RNF19A: variants seen among roughly 807,000 people sequenced by gnomAD.
RNF19A encodes ring finger protein 19A, RBR E3 ubiquitin protein ligase.
Under a neutral mutation model 75.7 loss-of-function variants are expected in RNF19A, and 32 were observed. The observed-to-expected ratio is 0.42, with a 90% CI of 0.32 to 0.57. The LOEUF (loss-of-function observed/expected upper bound fraction) is 0.57, where lower values mean the gene tolerates loss of function less well. Ranked by LOEUF, RNF19A falls within the 20% of genes least tolerant of loss-of-function variation. The probability of loss-of-function intolerance (pLI) is 0.10; values close to 1 mark genes in which losing one functional copy is unlikely to be tolerated. For synonymous variants in RNF19A, 335 were observed against 345.2 expected, an observed-to-expected ratio of 0.97 and a Z score of 0.33; for missense variants, 782 against 1,036.3, an observed-to-expected ratio of 0.75 and a Z score of 3.37.
At position 100,328,253 on chromosome 8, in the gene RNF19A, G is replaced by C. The variant is rs374851551; in HGVS notation, c.-243+7855C>G. Among the ~76,000 whole-genome samples, 21 of 152,226 alleles carry C rather than the reference G, an allele frequency of 1.4e-4. 2 individuals carry two copies. Among genetic ancestry groups the C allele is most frequent in the African/African-American group, 4.6e-4 (19 of 41,498 alleles). Reference sequence around the variant, plus strand: ...ATTGGCACTTTCCCAGACCCTCAAGGTACTTAGGACCTCGTGGCAGTGTTG... The same window carrying C: ...ATTGGCACTTTCCCAGACCCTCAAGCTACTTAGGACCTCGTGGCAGTGTTG... On this transcript the variant is annotated intron_variant, in intron 1 of 3. Transcript: ENST00000519527.
rs1563827069 is a variant in RNF19A, at chr8:100,257,785, CT to C, written c.*770del. 3 of 373,932 alleles carry C rather than the reference CT, an allele frequency of 8.0e-6. No homozygotes were observed. Among genetic ancestry groups the C allele is most frequent in the Admixed American group, 9.1e-5 (2 of 21,902 alleles). The allele number at this position is 373,932 out of a possible 1,614,324, so 23.2% of individuals were successfully genotyped here. On this transcript the variant is annotated 3_prime_UTR_variant, in exon 10 of 10. Coordinates refer to ENST00000341084, the MANE Select transcript of RNF19A (RefSeq NM_183419.4). ...AGAATCAATGGGGTACAAACTTCCC[CT>C]TAGAGAAAGGTGGATTTTTTGTAAT...
chr8:100,304,096 G>C (rs905178033), intron 1 of RNF19A, among the ~76,000 whole-genome samples: 2 of 152,014 alleles, frequency 1.3e-5, no homozygotes, highest in African/African-American at 4.8e-5. Flanking sequence ...AGCTGGAACT[G>C]CAGGTGCCCA....
intron 1 of RNF19A, among the ~76,000 whole-genome samples, chr8:100,297,288 C>T (rs1821610729): frequency 6.6e-6 from 1 of 152,160 alleles, no homozygotes; most frequent in South Asian, 2.1e-4. Context: ...GACGCGTGAG[C>T]ACATAATACG....
At chr8:100,266,486 A>G (rs904398606) in intron 5 of RNF19A, among the ~76,000 whole-genome samples, 9 of 152,160 alleles carry the variant, frequency 5.9e-5, no homozygotes, top group African/African-American at 2.2e-4. Flanking sequence ...AATTACGATC[A>G]GCTAATATAT....
In RNF19A at chr8:100,261,835, G is replaced by C. The variant is rs887976709; in HGVS notation, c.1469-80C>G. 22 of 1,388,652 alleles carry C rather than the reference G, an allele frequency of 1.6e-5. No individual in the cohort carries two copies. Among genetic ancestry groups the C allele is most frequent in the Non-Finnish European group, 2.1e-5 (21 of 977,436 alleles). The allele number at this position is 1,388,652 out of a possible 1,614,324, so 86.0% of individuals were successfully genotyped here. Reference sequence around the variant, plus strand: ...TCTTAAATTCCTCCATGATTTCAGAGAGGACATTATATAAGGTATAAAATA... The same window carrying C: ...TCTTAAATTCCTCCATGATTTCAGACAGGACATTATATAAGGTATAAAATA... On this transcript the variant is annotated intron_variant, in intron 7 of 9. Transcript: ENST00000341084. This position sits in a 1 kb window ranked among gnomAD's most constrained non-coding sequence, Gnocchi z 4.4.
At chr8:100,308,262 T>TTAATTTA (rs1822138071) in intron 1 of RNF19A, among the ~76,000 whole-genome samples, 1 of 152,208 alleles carries the variant, frequency 6.6e-6, no homozygotes, top group South Asian at 2.1e-4. Flanking sequence ...AAACTTCAGT[T>TTAATTTA]AAATTTTATA....
At chr8:100,268,681 T>C (rs1374531123) in intron 5 of RNF19A, 104 bp downstream of exon 5, 11 of 552,498 alleles carry the variant, frequency 2.0e-5, no homozygotes, top group African/African-American at 1.5e-4. Flanking sequence ...ATACCCTTTG[T>C]CTAAAAAAAA....
In RNF19A at chr8:100,322,115, G is replaced by A. The variant is rs563567404; in HGVS notation, c.-242-8743C>T. ...TCACCCCTGCATTAGCCCCTAAGGA[G>A]AGAGTCAGCCTCTCCTTTGAAGCTT... On this transcript the variant is annotated intron_variant, in intron 1 of 3. Coordinates refer to the RNF19A transcript ENST00000519527. This position sits in a 1 kb window ranked among gnomAD's most constrained non-coding sequence, Gnocchi z 5.1. 1.3e-5 allele frequency among the ~76,000 whole-genome samples: 2 copies of A among 152,324 alleles called. No individual in the cohort carries two copies. Among genetic ancestry groups the A allele is most frequent in the Admixed American group, 6.5e-5 (1 of 15,302 alleles).
intron 1 of RNF19A, among the ~76,000 whole-genome samples, chr8:100,326,697 T>A (rs181062580): frequency 2.0e-5 from 3 of 152,176 alleles, no homozygotes; most frequent in Non-Finnish European, 4.4e-5. Flanking sequence ...CTTGAATTCA[T>A]TCCCTTCTTC....
chr8:100,273,760 T>C (rs1373042365), intron 3 of RNF19A, among the ~76,000 whole-genome samples: 2 of 152,098 alleles, frequency 1.3e-5, no homozygotes, highest in East Asian at 3.8e-4. Context: ...ATAAGCATTA[T>C]TAGTATCTTT....
At chr8:100,301,841 T>A (rs989730113) in intron 1 of RNF19A, among the ~76,000 whole-genome samples, 1 of 152,218 alleles carries the variant, frequency 6.6e-6, no homozygotes, top group Non-Finnish European at 1.5e-5. Flanking sequence ...TGTTGATTAC[T>A]ATTTTAAACA....
intron 1 of RNF19A, among the ~76,000 whole-genome samples, chr8:100,291,439 A>G (rs1821290122): frequency 6.6e-6 from 1 of 152,250 alleles, no homozygotes; most frequent in Non-Finnish European, 1.5e-5. Flanking sequence ...TGGAAAGACA[A>G]GAACCTTTTA....
chr8:100,272,868 C>T (rs1222430644), intron 3 of RNF19A, among the ~76,000 whole-genome samples: 1 of 148,752 alleles, frequency 6.7e-6, no homozygotes, highest in African/African-American at 2.5e-5. Flanking sequence ...ATTTCTAATT[C>T]TTCCTCTTGT....
intron 1 of RNF19A, chr8:100,303,205 ACTGGGG>A (rs2130174575): frequency 6.6e-6 from 1 of 152,408 alleles, no homozygotes; most frequent in Non-Finnish European, 1.5e-5. Flanking sequence ...CCGTGCTCCC[ACTGGGG>A]CTTGAGGGGA....
chr8:100,278,864 T>A (rs1433917412), intron 2 of RNF19A, among the ~76,000 whole-genome samples: 1 of 152,168 alleles, frequency 6.6e-6, no homozygotes, highest in Non-Finnish European at 1.5e-5. Context: ...GTTTAAAAAT[T>A]TCATGACAAG....
At chr8:100,272,668 C>G (rs1457708997) in intron 3 of RNF19A, among the ~76,000 whole-genome samples, 1 of 152,016 alleles carries the variant, frequency 6.6e-6, no homozygotes, top group Non-Finnish European at 1.5e-5. Flanking sequence ...TCCCAAGTAG[C>G]TGGCACACAC....
intron 1 of RNF19A, among the ~76,000 whole-genome samples, chr8:100,320,969 A>G (rs1414801694): frequency 1.3e-5 from 2 of 152,268 alleles, no homozygotes; most frequent in Non-Finnish European, 2.9e-5. Context: ...CATTGCTAAA[A>G]AATACTAATG....
chr8:100,275,419 TAG>T lies in RNF19A; in HGVS notation c.675-260_675-259del, dbSNP rs1054255340. Among the ~76,000 whole-genome samples the T allele has an allele frequency of 4.6e-5, 7 of 152,008 alleles. No homozygotes were observed. Among genetic ancestry groups the T allele is most frequent in the African/African-American group, 1.7e-4 (7 of 41,476 alleles). ...TTTTTTAGGTTCAGGGTTTTTTTTTTAGATTCAGGGGGTACATGTGCAAGTTT... is the reference window on the plus strand; with the variant it reads ...TTTTTTAGGTTCAGGGTTTTTTTTTTATTCAGGGGGTACATGTGCAAGTTT... On this transcript the variant is annotated intron_variant, in intron 2 of 9. Coordinates refer to ENST00000341084, the MANE Select transcript of RNF19A (RefSeq NM_183419.4). The surrounding 1 kb of genome is among the most constrained non-coding windows in gnomAD (Gnocchi z 4.3).
chr8:100,296,251 C>T (rs546480316), intron 1 of RNF19A, among the ~76,000 whole-genome samples: 20 of 152,234 alleles, frequency 1.3e-4, no homozygotes, highest in African/African-American at 4.3e-4. Context: ...ACTACAGGCA[C>T]GTGCCACCAT....
Sources: gnomAD v4.1 joint callset for allele counts (sites outside exome capture counted in the v4.1 genomes callset) on GRCh38, gnomAD v4.1.1 for gene constraint, Gnocchi (gnomAD v3.1) non-coding constraint, MANE v1.5 for transcripts, NCBI Gene and HGNC (gene_info 2026-07-23, HGNC 2026-07-21) for gene names.